Variants in HS6ST3 observed in about 807,000 individuals in gnomAD.
HS6ST3 encodes heparan-sulfate 6-O-sulfotransferase 3.
In HS6ST3, 12 loss-of-function variants were observed where a neutral mutation model predicts 36.7. The observed-to-expected ratio is 0.33, with a 90% CI of 0.21 to 0.53. The LOEUF (loss-of-function observed/expected upper bound fraction) is 0.53, where lower values mean the gene tolerates loss of function less well. HS6ST3 is among the 20% of genes least tolerant of loss of function. The probability of loss-of-function intolerance (pLI) is 0.95; values close to 1 mark genes in which losing one functional copy is unlikely to be tolerated. For missense variants in HS6ST3, 584 were observed against 640.9 expected (o/e 0.91, Z 0.96); for synonymous variants, 240 against 257.5 (o/e 0.93, Z 0.65).
chr13:96,158,774 G>C (rs7139605), intron 1 of HS6ST3, among the ~76,000 whole-genome samples: 125,235 of 151,694 alleles, frequency 0.83, 51,991 homozygotes, highest in East Asian at 0.91. Flanking sequence ...GGGCCAGGGA[G>C]GAGACAACAT....
intron 1 of HS6ST3, among the ~76,000 whole-genome samples, chr13:96,099,069 G>A (rs1253303803): frequency 1.3e-5 from 2 of 151,962 alleles, no homozygotes; most frequent in Non-Finnish European, 2.9e-5. Context: ...TCAGCCTCCC[G>A]AGTAGCTGGG....
At chr13:96,691,845 T>C (rs769447396) in intron 1 of HS6ST3, among the ~76,000 whole-genome samples, 9 of 152,140 alleles carry the variant, frequency 5.9e-5, no homozygotes, top group Non-Finnish European at 1.0e-4. Context: ...CTAACACCAG[T>C]TGATTACCAT....
chr13:96,646,008 T>C (rs775249193), intron 1 of HS6ST3, among the ~76,000 whole-genome samples: 1 of 151,014 alleles, frequency 6.6e-6, no homozygotes, highest in African/African-American at 2.4e-5. Context: ...ATAGCCAAGA[T>C]GAAATTCAAT....
chr13:96,823,402 T>C (rs1464937016), intron 1 of HS6ST3, among the ~76,000 whole-genome samples: 1 of 152,194 alleles, frequency 6.6e-6, no homozygotes, highest in Non-Finnish European at 1.5e-5. Flanking sequence ...ATAAATGGAA[T>C]ATTATGCTCT....
At chr13:96,497,172 A>G (rs1284103028) in intron 1 of HS6ST3, among the ~76,000 whole-genome samples, 1 of 152,116 alleles carries the variant, frequency 6.6e-6, no homozygotes, top group Admixed American at 6.5e-5. Context: ...ACATCAGAGG[A>G]CAGGAAAAGG....
At chr13:96,770,807 C>T (rs1307766532) in intron 1 of HS6ST3, among the ~76,000 whole-genome samples, 2 of 152,156 alleles carry the variant, frequency 1.3e-5, no homozygotes, top group Non-Finnish European at 2.9e-5. Context: ...CAGGTTGCCC[C>T]ATCGAGGGTA....
chr13:96,259,173 C>T lies in HS6ST3; in HGVS notation c.707+167604C>T, dbSNP rs561722368. On this transcript the variant is annotated intron_variant, in intron 1 of 1. Coordinates refer to ENST00000376705, the MANE Select transcript of HS6ST3 (RefSeq NM_153456.4). ...GTGTGTGTCTGTGTGTTTGTGTGTC[C>T]GTGTATGTGTGCATGGGTGTCCTTG... is the stretch of plus-strand genomic sequence containing the variant. Among the ~76,000 whole-genome samples, 14 of 151,750 alleles carry T rather than the reference C, an allele frequency of 9.2e-5. No individual in the cohort carries two copies. The South Asian group carries it at 1.7e-3, about 18-fold the overall frequency.
Position 96,836,647 on chromosome 13 carries a change from T to G in HS6ST3, c.*3449T>G, listed in dbSNP as rs2138554232. ...TTTAAGGTAATTTTTAAAAAAAATCTGAGTAGAGATAGTACTAATATTGGC... is the reference window on the plus strand; with the variant it reads ...TTTAAGGTAATTTTTAAAAAAAATCGGAGTAGAGATAGTACTAATATTGGC... On this transcript the variant is annotated 3_prime_UTR_variant, in exon 2 of 2. Coordinates refer to ENST00000376705, the MANE Select transcript of HS6ST3 (RefSeq NM_153456.4). 1 of 152,324 alleles carries G rather than the reference T, an allele frequency of 6.6e-6. No individual in the cohort carries two copies. The highest frequency in any genetic ancestry group is 1.9e-4 in the East Asian group (1 of 5,186). 9.4% of individuals were successfully genotyped at this position (152,324 alleles called of 1,614,324 possible).
At chr13:96,557,278 G>A (rs2056244648) in intron 1 of HS6ST3, among the ~76,000 whole-genome samples, 1 of 152,184 alleles carries the variant, frequency 6.6e-6, no homozygotes, top group Non-Finnish European at 1.5e-5. Flanking sequence ...GAGCTCATAT[G>A]ACTAACAGTG....
chr13:96,385,932 C>T (rs1425259064), intron 1 of HS6ST3, among the ~76,000 whole-genome samples: 1 of 152,146 alleles, frequency 6.6e-6, no homozygotes, highest in Non-Finnish European at 1.5e-5. Flanking sequence ...TAGGCCTGGG[C>T]TCTTACTATG....
chr13:96,803,055 A>G (rs1472004668), intron 1 of HS6ST3, among the ~76,000 whole-genome samples: 1 of 152,140 alleles, frequency 6.6e-6, no homozygotes, highest in Non-Finnish European at 1.5e-5. Context: ...ACACTGTCAC[A>G]ACCAAAGGAC....
chr13:96,224,786 T>G (rs935505493), intron 1 of HS6ST3, among the ~76,000 whole-genome samples: 2 of 152,248 alleles, frequency 1.3e-5, no homozygotes, highest in African/African-American at 4.8e-5. Flanking sequence ...TTCATGATGC[T>G]GTAGACCAGT....
chr13:96,189,359 G>A (rs1398387648), intron 1 of HS6ST3, among the ~76,000 whole-genome samples: 1 of 151,976 alleles, frequency 6.6e-6, no homozygotes, highest in Admixed American at 6.6e-5. Flanking sequence ...ATTTAATAAT[G>A]AATCTAAGTT....
intron 1 of HS6ST3, among the ~76,000 whole-genome samples, chr13:96,618,681 G>T (rs1015067495): frequency 2.0e-5 from 3 of 152,180 alleles, no homozygotes; most frequent in South Asian, 2.1e-4. Flanking sequence ...AATGCCTAAC[G>T]CATGGAAGAG....
chr13:96,408,280 C>T (rs1481217417), intron 1 of HS6ST3, among the ~76,000 whole-genome samples: 1 of 151,916 alleles, frequency 6.6e-6, no homozygotes, highest in Admixed American at 6.6e-5. Flanking sequence ...TGATCAATTC[C>T]CCTCCCCCAA....
At chr13:96,783,225 G>A (rs1443029543) in intron 1 of HS6ST3, among the ~76,000 whole-genome samples, 2 of 152,156 alleles carry the variant, frequency 1.3e-5, no homozygotes, top group Non-Finnish European at 2.9e-5. Context: ...TTCTTTCTTA[G>A]GAATACAACA....
At chr13:96,557,458 A>G (rs2056245357) in intron 1 of HS6ST3, among the ~76,000 whole-genome samples, 1 of 152,226 alleles carries the variant, frequency 6.6e-6, no homozygotes, top group South Asian at 2.1e-4. Context: ...CACCAATGAG[A>G]AAACCCAGCA....
At chr13:96,245,248 T>C (rs2054579231) in intron 1 of HS6ST3, among the ~76,000 whole-genome samples, 2 of 152,112 alleles carry the variant, frequency 1.3e-5, no homozygotes, top group South Asian at 4.1e-4. Flanking sequence ...TACACAAAAT[T>C]CAGAGAATTG....
intron 1 of HS6ST3, among the ~76,000 whole-genome samples, chr13:96,267,111 G>A (rs1200783369): frequency 6.6e-6 from 1 of 152,142 alleles, no homozygotes; most frequent in African/African-American, 2.4e-5. Flanking sequence ...TGATGGTTGT[G>A]TAAAGGGCAG....
Sources: allele counts gnomAD v4.1 joint callset (sites outside exome capture counted in the v4.1 genomes callset), GRCh38; gene constraint gnomAD v4.1.1; transcripts MANE v1.5; gene names NCBI Gene and HGNC (gene_info 2026-07-23, HGNC 2026-07-21).